Variants in ZNF737 observed in about 807,000 individuals in gnomAD.
ZNF737 encodes the protein zinc finger protein 102 (Y3).
A neutral mutation model predicts 11.7 loss-of-function variants in ZNF737; 13 were observed. The ratio of observed to expected loss-of-function variants is 1.11; its 90% CI spans 0.73 to 1.77. The LOEUF (loss-of-function observed/expected upper bound fraction) is 1.77, where lower values mean the gene tolerates loss of function less well. Among genes scored for constraint, ZNF737 ranks in the 40% most tolerant of loss-of-function variants. The pLI, the probability that ZNF737 is intolerant of heterozygous loss-of-function variation, is 0.00. For synonymous variants in ZNF737, 217 were observed against 216.2 expected, an observed-to-expected ratio of 1.00 and a Z score of -0.03; for missense variants, 636 against 638.0, an observed-to-expected ratio of 1.00 and a Z score of 0.03.
intron 3 of ZNF737, among the ~76,000 whole-genome samples, chr19:20,550,199 T>C (rs1968614329): frequency 6.6e-6 from 1 of 152,128 alleles, no homozygotes; most frequent in Non-Finnish European, 1.5e-5. Context: ...TACCCTTACA[T>C]TGTTAAATAA....
chr19:20,530,609 G>A, the ZNF737 span, among the ~76,000 whole-genome samples: 1 of 147,924 alleles, frequency 6.8e-6, no homozygotes, highest in East Asian at 2.1e-4. Context: ...CCGGGCCGAG[G>A]TGCTCCTCAC....
At position 20,545,474 on chromosome 19, in the gene ZNF737, G is replaced by A; in HGVS notation, c.729C>T (p.Tyr243=). Residue 243 remains tyrosine, a synonymous_variant, in exon 4 of 4, where the codon TAC becomes TAT. Transcript: ENST00000427401. ...TATGAATTATCTTATGTGCAGTAAG[G>A]TATGAAAACCGGCTAAAGGCTTTGC... The part of the protein sequence containing the change: ...DCGKAFSRFS[Y]LTAHKIIHSG... 2 of 1,613,566 alleles carry A rather than the reference G, an allele frequency of 1.2e-6. No individual in the cohort carries two copies. Among genetic ancestry groups the A allele is most frequent in the Non-Finnish European group, 8.5e-7 (1 of 1,179,838 alleles).
chr19:20,556,849 GA>G (rs1351874536), intron 1 of ZNF737, among the ~76,000 whole-genome samples: 4 of 152,200 alleles, frequency 2.6e-5, no homozygotes, highest in Non-Finnish European at 5.9e-5. Flanking sequence ...ACAATAGTAT[GA>G]TACAGAGCAC....
chr19:20,560,903 G>C (rs1397643433), intron 1 of ZNF737, among the ~76,000 whole-genome samples: 1 of 152,148 alleles, frequency 6.6e-6, no homozygotes, highest in Non-Finnish European at 1.5e-5. Context: ...AACAACAGAC[G>C]CTGCGGCCTA....
At chr19:20,532,884 T>C (rs534356097), downstream of ZNF737, among the ~76,000 whole-genome samples, 8 of 150,080 alleles carry the variant, frequency 5.3e-5, no homozygotes, top group African/African-American at 2.0e-4. Context: ...TCATCATCTA[T>C]CTTCTAAAAA....
At chr19:20,531,100 C>G (rs1207660541), downstream of ZNF737, among the ~76,000 whole-genome samples, 1 of 146,378 alleles carries the variant, frequency 6.8e-6, no homozygotes, top group Non-Finnish European at 1.5e-5. Context: ...TGGCGGCGCG[C>G]GCCTGCAATC....
Position 20,539,233 on chromosome 19 carries a change from T to A in ZNF737, c.*5359A>T, listed in dbSNP as rs1968100544. 1.2e-6 allele frequency: 1 copy of A among 856,308 alleles called. No homozygotes were observed. The highest frequency in any genetic ancestry group is 1.4e-6 in the Non-Finnish European group (1 of 712,932). The allele number at this position is 856,308 out of a possible 1,614,324, so 53.0% of individuals were successfully genotyped here. On this transcript the variant is annotated 3_prime_UTR_variant, in exon 4 of 4. Transcript: ENST00000427401. ...TGAACCAGGGAGGTGGAGGTTGCAGTGAGCTGAGCACGTACCATTGCAGTG... is the reference window on the plus strand; with the variant it reads ...TGAACCAGGGAGGTGGAGGTTGCAGAGAGCTGAGCACGTACCATTGCAGTG...
chr19:20,542,765 T>C lies in ZNF737; in HGVS notation c.*1827A>G. On this transcript the variant is annotated 3_prime_UTR_variant, in exon 4 of 4. Transcript: ENST00000427401. ...TGTTCTTACTATTTTATAGAAAAAG[T>C]CATAATGTCCAAATAATGTAAAAAA... 1.0e-6 allele frequency: 1 copy of C among 985,126 alleles called. No homozygotes were observed. The highest frequency in any genetic ancestry group is 1.2e-6 in the Non-Finnish European group (1 of 829,684). The allele number at this position is 985,126 out of a possible 1,614,324, so 61.0% of individuals were successfully genotyped here.
the ZNF737 span, among the ~76,000 whole-genome samples, chr19:20,530,748 G>T: frequency 6.8e-6 from 1 of 147,608 alleles, no homozygotes; most frequent in South Asian, 2.3e-4. Context: ...TCCAGACTGG[G>T]CAGCCAGGCA....
chr19:20,556,032 T>C (rs1339191925), intron 1 of ZNF737, among the ~76,000 whole-genome samples: 1 of 151,780 alleles, frequency 6.6e-6, no homozygotes, highest in African/African-American at 2.4e-5. Context: ...TCAGGAAAAA[T>C]GAGCTGCTCC....
chr19:20,548,587 A>G (rs1968540255), intron 3 of ZNF737, among the ~76,000 whole-genome samples: 1 of 152,104 alleles, frequency 6.6e-6, no homozygotes. Flanking sequence ...TTGCTTAACA[A>G]TGTGAATATA....
At position 20,542,378 on chromosome 19, in the gene ZNF737, A is replaced by G. The variant is rs922070553; in HGVS notation, c.*2214T>C. ...TGAGTAGCTGAGATTACAGGCATGC[A>G]CCACCATGCCTGGCTAATTTTTTTT... is the stretch of plus-strand genomic sequence containing the variant. On this transcript the variant is annotated 3_prime_UTR_variant, in exon 4 of 4. Coordinates refer to ENST00000427401, the MANE Select transcript of ZNF737 (RefSeq NM_001159293.2). The G allele has an allele frequency of 1.6e-5, 5 of 316,038 alleles. No individual in the cohort carries two copies. The highest frequency in any genetic ancestry group is 6.8e-5 in the African/African-American group (3 of 44,274). The allele number at this position is 316,038 out of a possible 1,614,324, so 19.6% of individuals were successfully genotyped here.
chr19:20,535,353 A>G (rs1555753614), downstream of ZNF737, among the ~76,000 whole-genome samples: 1 of 152,176 alleles, frequency 6.6e-6, no homozygotes, highest in Non-Finnish European at 1.5e-5. Context: ...GTTTGAAATC[A>G]ACCTAAGTGT....
chr19:20,560,017 T>C (rs1404278903), intron 1 of ZNF737, among the ~76,000 whole-genome samples: 1 of 150,810 alleles, frequency 6.6e-6, no homozygotes. Context: ...ATACAAAAAA[T>C]TAGCCGGGCG....
chr19:20,534,485 C>CTATCTA (rs1967910306), downstream of ZNF737, among the ~76,000 whole-genome samples: 1 of 146,464 alleles, frequency 6.8e-6, no homozygotes, highest in Non-Finnish European at 1.5e-5. Flanking sequence ...ATCTATCTAT[C>CTATCTA]TATCTACTGT....
downstream of ZNF737, among the ~76,000 whole-genome samples, chr19:20,537,773 C>T (rs1968037296): frequency 6.6e-6 from 1 of 152,048 alleles, no homozygotes. Context: ...CCTCGGCCTC[C>T]CAAAGTGCTG....
Position 20,543,816 on chromosome 19 carries a change from T to C in ZNF737, c.*776A>G, listed in dbSNP as rs33929. ...GGATTTCCTCTTCAACATGAATTAT[T>C]GCCATGCCTCTTAAGAATTGAGAAC... On this transcript the variant is annotated 3_prime_UTR_variant, in exon 4 of 4. Transcript: ENST00000427401. The C allele has an allele frequency of 0.16, 160,379 of 984,972 alleles. 14,155 individuals carry two copies. The highest frequency in any genetic ancestry group is 0.32 in the African/African-American group (18,569 of 57,266). The allele number at this position is 984,972 out of a possible 1,614,324, so 61.0% of individuals were successfully genotyped here. A position where few individuals can be genotyped will look rare whatever the true frequency, so the allele number is the denominator to read the frequency against.
intron 3 of ZNF737, among the ~76,000 whole-genome samples, chr19:20,550,104 A>G (rs1968611212): frequency 6.6e-6 from 1 of 152,208 alleles, no homozygotes; most frequent in Non-Finnish European, 1.5e-5. Context: ...AGCATTTAAA[A>G]GAAACTAGTT....
intron 1 of ZNF737, 94 bp downstream of exon 1, chr19:20,565,544 G>A: frequency 6.3e-7 from 1 of 1,595,264 alleles, no homozygotes; most frequent in Non-Finnish European, 8.6e-7. Context: ...TTGTGGAGCT[G>A]ACTGCGCAGA....
Sources: allele counts gnomAD v4.1 joint callset (sites outside exome capture counted in the v4.1 genomes callset), GRCh38; gene constraint gnomAD v4.1.1; transcripts MANE v1.5; gene names NCBI Gene and HGNC (gene_info 2026-07-23, HGNC 2026-07-21).